Variants in PWP1 observed in about 807,000 individuals in gnomAD.
The protein encoded by PWP1 is PWP1 homolog, endonuclein.
PWP1 carries 47 observed loss-of-function variants against 69.9 expected under a neutral mutation model. That is an observed-to-expected ratio of 0.67 (90% CI 0.53 to 0.86). The LOEUF (loss-of-function observed/expected upper bound fraction) is 0.86. Ranked by LOEUF, PWP1 falls within the 40% of genes least tolerant of loss-of-function variation. The pLI, the probability that PWP1 is intolerant of heterozygous loss-of-function variation, is 0.00. For synonymous variants in PWP1, 222 were observed against 208.2 expected, an observed-to-expected ratio of 1.07 and a Z score of -0.57; for missense variants, 551 against 608.8, an observed-to-expected ratio of 0.91 and a Z score of 1.00.
intron 6 of PWP1, among the ~76,000 whole-genome samples, chr12:107,697,033 C>A (rs1424398583): frequency 6.6e-6 from 1 of 152,198 alleles, no homozygotes; most frequent in African/African-American, 2.4e-5. Context: ...TTAGTTGCCC[C>A]TGTCCGTACT....
chr12:107,711,883 G>A (rs376542301), intron 14 of PWP1, among the ~76,000 whole-genome samples: 24 of 152,156 alleles, frequency 1.6e-4, no homozygotes, highest in African/African-American at 5.1e-4. Flanking sequence ...TTACCAAGGC[G>A]GATCAGATAA....
Position 107,710,454 on chromosome 12 carries a change from C to T in PWP1, c.1340C>T (p.Ala447Val). Residue 447 changes from alanine to valine, a missense_variant, in exon 14 of 15, where the codon GCC (alanine) becomes GTC (valine). Physicochemically the swap from Ala to Val is moderately conservative, Grantham distance 64. Transcript: ENST00000412830. ...TGCCCTGATTTGCCATTTATTTATG[C>T]CTTTGGAGGTCAAAAAGAAGGGCTT... Reference protein sequence around the residue: ...SCCPDLPFIYAFGGQKEGLRV... With the variant: ...SCCPDLPFIYVFGGQKEGLRV... 1 of 1,608,796 alleles carries T rather than the reference C, an allele frequency of 6.2e-7. No individual in the cohort carries two copies. The highest frequency in any genetic ancestry group is 1.1e-5 in the South Asian group (1 of 90,990).
At chr12:107,692,213 G>T (rs147700292) in intron 3 of PWP1, among the ~76,000 whole-genome samples, 1 of 152,292 alleles carries the variant, frequency 6.6e-6, no homozygotes, top group African/African-American at 2.4e-5. Context: ...ACAATTCAGT[G>T]TATCTTCCTT....
At chr12:107,696,684 G>A in intron 6 of PWP1, 100 bp downstream of exon 6, 3 of 1,527,748 alleles carry the variant, frequency 2.0e-6, no homozygotes, top group Non-Finnish European at 2.6e-6. Flanking sequence ...CAGAATTGTT[G>A]CTGATATTTT....
rs544483046 is a variant in PWP1, at chr12:107,689,603, A to G, written c.319+801A>G. 9.9e-5 allele frequency among the ~76,000 whole-genome samples: 15 copies of G among 152,276 alleles called. No individual in the cohort carries two copies. In the South Asian group the frequency reaches 3.1e-3, roughly 32 times the overall value. On this transcript the variant is annotated intron_variant, in intron 3 of 14. Transcript: ENST00000412830. ...TCTACTAAAAATACAAAACTTAGCC[A>G]GGCGTGGTGGCGCACATCTGTAATC...
Position 107,695,894 on chromosome 12 carries a change from G to A in PWP1, c.503-580G>A, listed in dbSNP as rs531924570. Among the ~76,000 whole-genome samples, 4 of 152,262 alleles carry A rather than the reference G, an allele frequency of 2.6e-5. No individual in the cohort carries two copies. The South Asian group carries it at 8.3e-4, about 31-fold the overall frequency. ...ACATTTGTTTTCTATGAATGACCTAGAAGACAGGACCATTTATCTGACAAG... is the reference window on the plus strand; with the variant it reads ...ACATTTGTTTTCTATGAATGACCTAAAAGACAGGACCATTTATCTGACAAG... On this transcript the variant is annotated intron_variant, in intron 5 of 14. Coordinates refer to ENST00000412830, the MANE Select transcript of PWP1 (RefSeq NM_007062.3).
chr12:107,704,807 A>G (rs1566081824), intron 11 of PWP1, 60 bp downstream of exon 11: 3 of 1,362,246 alleles, frequency 2.2e-6, no homozygotes, highest in East Asian at 4.6e-5. Context: ...TTTAAATTCC[A>G]TAGTAGAGAG....
intron 14 of PWP1, among the ~76,000 whole-genome samples, chr12:107,710,999 G>A (rs778021642): frequency 1.3e-4 from 20 of 152,196 alleles, no homozygotes; most frequent in Non-Finnish European, 1.5e-4. Flanking sequence ...ATATAGAGAT[G>A]TGAAGTGGGA....
At position 107,696,693 on chromosome 12, in the gene PWP1, T is replaced by C; in HGVS notation, c.613+109T>C. ...TGTTTTCAGAATTGTTGCTGATATT[T>C]TCTGAAGTTACTGTTATTTTATGAA... On this transcript the variant is annotated intron_variant, in intron 6 of 14. Transcript: ENST00000412830. 3 of 1,497,552 alleles carry C rather than the reference T, an allele frequency of 2.0e-6. No homozygotes were observed. The East Asian group carries it at 7.2e-5, about 36-fold the overall frequency. 92.8% of individuals were successfully genotyped at this position (1,497,552 alleles called of 1,614,324 possible).
intron 7 of PWP1, 67 bp from the exon 8 acceptor site, chr12:107,699,306 A>T: frequency 8.4e-7 from 1 of 1,196,034 alleles, no homozygotes; most frequent in Admixed American, 2.0e-5. Flanking sequence ...AATTTTGCAG[A>T]TTAATATATT....
At position 107,709,190 on chromosome 12, in the gene PWP1, A is replaced by G; in HGVS notation, c.1248A>G (p.Leu416=). The G allele has an allele frequency of 6.2e-7, 1 of 1,613,922 alleles. No homozygotes were observed. Among genetic ancestry groups the G allele is most frequent in the African/African-American group, 1.3e-5 (1 of 75,016 alleles). ...AATACGTGAAGATCTGGGACATCTT[A>G]GGAGATAGGCCAAGTCTAGTTCATT... ...ADKYVKIWDI[L]GDRPSLVHSR... is the part of the protein sequence containing the mutation. The change falls in exon 13 of 15, where the codon TTA becomes TTG. Residue 416 remains leucine, a synonymous_variant. Coordinates refer to ENST00000412830, the MANE Select transcript of PWP1 (RefSeq NM_007062.3).
intron 8 of PWP1, among the ~76,000 whole-genome samples, chr12:107,702,049 T>C (rs1318224192): frequency 6.6e-6 from 1 of 152,224 alleles, no homozygotes; most frequent in Non-Finnish European, 1.5e-5. Context: ...CCAGTGACTA[T>C]AAATGTTTAT....
At chr12:107,708,209 G>A (rs1323196775) in intron 11 of PWP1, among the ~76,000 whole-genome samples, 1 of 152,058 alleles carries the variant, frequency 6.6e-6, no homozygotes, top group Non-Finnish European at 1.5e-5. Context: ...AAATATTTAG[G>A]GAAGTGAGAG....
intron 8 of PWP1, among the ~76,000 whole-genome samples, chr12:107,701,532 T>C (rs1889710477): frequency 6.6e-6 from 1 of 152,250 alleles, no homozygotes; most frequent in South Asian, 2.1e-4. Flanking sequence ...CATGAAGGTT[T>C]ACATGTATGT....
intron 3 of PWP1, among the ~76,000 whole-genome samples, chr12:107,692,081 A>C (rs1317251891): frequency 6.6e-6 from 1 of 152,184 alleles, no homozygotes; most frequent in Non-Finnish European, 1.5e-5. Context: ...GAAACAAATA[A>C]CCCAGCCTGG....
chr12:107,687,546 T>G (rs1210009209), intron 1 of PWP1, among the ~76,000 whole-genome samples: 6 of 151,936 alleles, frequency 3.9e-5, no homozygotes, highest in African/African-American at 1.5e-4. Flanking sequence ...ATTTGAAGAG[T>G]TTATAGGAAA....
At chr12:107,703,109 T>G in intron 9 of PWP1, 78 bp downstream of exon 9, 5 of 1,023,404 alleles carry the variant, frequency 4.9e-6, no homozygotes, top group Non-Finnish European at 7.6e-6. Context: ...CAAACGTTTA[T>G]ATATGGCTTT....
At chr12:107,708,118 G>A (rs1308018481) in intron 11 of PWP1, among the ~76,000 whole-genome samples, 1 of 152,154 alleles carries the variant, frequency 6.6e-6, no homozygotes, top group Non-Finnish European at 1.5e-5. Flanking sequence ...TGAATGTTGT[G>A]TTGTACTTCG....
chr12:107,701,766 C>T (rs563031882), intron 8 of PWP1, among the ~76,000 whole-genome samples: 1 of 152,250 alleles, frequency 6.6e-6, no homozygotes, highest in African/African-American at 2.4e-5. Context: ...CACCCCCCAC[C>T]TCTGGGGTTC....
Sources: gnomAD v4.1 joint callset for allele counts (sites outside exome capture counted in the v4.1 genomes callset) on GRCh38, gnomAD v4.1.1 for gene constraint, MANE v1.5 for transcripts, NCBI Gene and HGNC (gene_info 2026-07-23, HGNC 2026-07-21) for gene names.